ARMC9: variants seen among roughly 807,000 people sequenced by gnomAD.
The protein encoded by ARMC9 is armadillo repeat containing 9.
A neutral mutation model predicts 107.0 loss-of-function variants in ARMC9; 94 were observed. The ratio of observed to expected loss-of-function variants is 0.88; its 90% CI spans 0.74 to 1.04. ARMC9 has a LOEUF of 1.04. ARMC9 is among the 50% of genes least tolerant of loss of function. The pLI is 0.00. For synonymous variants in ARMC9, 380 were observed against 396.9 expected, an observed-to-expected ratio of 0.96 and a Z score of 0.51; for missense variants, 942 against 1,030.1, an observed-to-expected ratio of 0.91 and a Z score of 1.17.
At chr2:231,233,708 G>T (rs184622187) in intron 7 of ARMC9, among the ~76,000 whole-genome samples, 42 of 152,076 alleles carry the variant, frequency 2.8e-4, no homozygotes, top group African/African-American at 9.9e-4. Flanking sequence ...CCCGGGAGGC[G>T]GAGGTTGCAG....
Position 231,296,198 on chromosome 2 carries a change from A to G in ARMC9, c.1718A>G (p.Glu573Gly). ...IEFIIKQLNS[E>G]ELPDGVLESD... is the part of the protein sequence containing the mutation. ...TCATTGATTCTTTTTTTCTTTATAG[A>G]AGAGCTACCAGATGGTGTTCTTGAA... Residue 573 changes from glutamate (E) to glycine (G), a missense_variant and splice_region_variant, in exon 19 of 25, where the codon GAA (glutamate) becomes GGA (glycine). By Grantham distance (98) the Glu-to-Gly change is moderately conservative. Transcript: ENST00000611582. 6.2e-7 allele frequency: 1 copy of G among 1,611,806 alleles called. No individual in the cohort carries two copies. The highest frequency in any genetic ancestry group is 1.1e-5 in the South Asian group (1 of 90,654).
At chr2:231,259,494 T>G (rs1219939792) in intron 11 of ARMC9, among the ~76,000 whole-genome samples, 2 of 152,182 alleles carry the variant, frequency 1.3e-5, no homozygotes, top group African/African-American at 2.4e-5. Flanking sequence ...AAAGAACTCC[T>G]GTTCACAGGG....
intron 22 of ARMC9, 103 bp downstream of exon 22, chr2:231,356,037 GC>G (rs1443005885): frequency 1.4e-6 from 2 of 1,410,480 alleles, no homozygotes; most frequent in Middle Eastern, 1.9e-4. Flanking sequence ...CTCCTGGGAA[GC>G]CCTCTGGTCT....
intron 7 of ARMC9, among the ~76,000 whole-genome samples, chr2:231,228,703 C>T (rs1027556646): frequency 1.3e-5 from 2 of 152,164 alleles, no homozygotes; most frequent in Non-Finnish European, 2.9e-5. Flanking sequence ...TCAAAGACTA[C>T]AGGCATTTTA....
intron 21 of ARMC9, among the ~76,000 whole-genome samples, chr2:231,351,655 T>C (rs1231835354): frequency 1.3e-5 from 2 of 152,130 alleles, no homozygotes; most frequent in Middle Eastern, 3.2e-3. Flanking sequence ...GTTTGATTTT[T>C]GTTTGTTTTC....
intron 22 of ARMC9, among the ~76,000 whole-genome samples, chr2:231,357,445 C>T (rs1354719662): frequency 6.6e-6 from 1 of 152,234 alleles, no homozygotes; most frequent in South Asian, 2.1e-4. Flanking sequence ...GGACCCAGGA[C>T]ACGGACCCAC....
chr2:231,244,968 G>A (rs1307976612), intron 9 of ARMC9, among the ~76,000 whole-genome samples: 1 of 152,206 alleles, frequency 6.6e-6, no homozygotes, highest in African/African-American at 2.4e-5. Flanking sequence ...GCTCACGGTA[G>A]AAACACCACA....
chr2:231,216,748 T>A lies in ARMC9; in HGVS notation c.459T>A (p.Phe153Leu). The change falls in exon 5 of 25, where the codon TTT becomes TTA. Residue 153 changes from phenylalanine to leucine, a missense_variant. Coordinates refer to ENST00000611582, the MANE Select transcript of ARMC9 (RefSeq NM_001352754.2). ...TEFLPFYALPFVPNPMVHPSF... is the reference protein window; with the variant it reads ...TEFLPFYALPLVPNPMVHPSF... ...TTCTTCCTTTCTATGCCCTTCCTTT[T>A]GTTCCCAACCCTATGGTGCACCCCT... 1 of 1,614,172 alleles carries A rather than the reference T, an allele frequency of 6.2e-7. No homozygotes were observed. Among genetic ancestry groups the A allele is most frequent in the South Asian group, 1.1e-5 (1 of 91,088 alleles).
rs1028360166 is a variant in ARMC9, at chr2:231,348,664, A to G, written c.1994+3574A>G. On this transcript the variant is annotated intron_variant, in intron 21 of 24. Transcript: ENST00000611582. The stretch of plus-strand genomic sequence containing the variant: ...AGAGACAGCCCACAGAATGGGAGAA[A>G]ATATTTGCAAACTACCCATCTGACA... Among the ~76,000 whole-genome samples the G allele has an allele frequency of 3.3e-5, 5 of 152,364 alleles. No homozygotes were observed. The South Asian group carries it at 1.0e-3, about 32-fold the overall frequency.
intron 9 of ARMC9, among the ~76,000 whole-genome samples, chr2:231,244,444 C>G (rs752902692): frequency 7.3e-5 from 11 of 150,604 alleles, no homozygotes; most frequent in Non-Finnish European, 1.2e-4. Context: ...AGGGCCTCTG[C>G]TGCCTTGACC....
chr2:231,246,367 G>A (rs2036764688), intron 9 of ARMC9, among the ~76,000 whole-genome samples: 1 of 151,838 alleles, frequency 6.6e-6, no homozygotes, highest in South Asian at 2.1e-4. Flanking sequence ...ACCCTCCCCC[G>A]CCAATAGTTC....
rs527946682 is a variant in ARMC9, at chr2:231,342,158, G to A, written c.1879-2817G>A. On this transcript the variant is annotated intron_variant, in intron 20 of 24. Coordinates refer to ENST00000611582, the MANE Select transcript of ARMC9 (RefSeq NM_001352754.2). ...GCAAGGGGAGGGGAAGCCCAGGCCA[G>A]CAAGAACAGGCTGGGAAGCAGCTGC... Among the ~76,000 whole-genome samples, 18 of 152,362 alleles carry A rather than the reference G, an allele frequency of 1.2e-4. No individual in the cohort carries two copies. The East Asian group carries it at 3.5e-3, about 29-fold the overall frequency.
intron 19 of ARMC9, among the ~76,000 whole-genome samples, chr2:231,299,950 C>A (rs1330071697): frequency 6.6e-6 from 1 of 152,186 alleles, no homozygotes; most frequent in Non-Finnish European, 1.5e-5. Flanking sequence ...TCATTTAGCA[C>A]TTCAGAGAAA....
intron 19 of ARMC9, among the ~76,000 whole-genome samples, chr2:231,298,341 C>T (rs558087493): frequency 1.3e-5 from 2 of 152,348 alleles, no homozygotes; most frequent in South Asian, 2.1e-4. Context: ...GGATTTTACT[C>T]AGCTTTCACC....
At chr2:231,279,965 A>G (rs962898804) in intron 16 of ARMC9, among the ~76,000 whole-genome samples, 3 of 152,162 alleles carry the variant, frequency 2.0e-5, no homozygotes, top group African/African-American at 7.2e-5. Flanking sequence ...TGAGCTCTGA[A>G]CTACTTCCAG....
chr2:231,270,980 A>G lies in ARMC9; in HGVS notation c.1120-2A>G, dbSNP rs1435430920. 1 of 1,614,042 alleles carries G rather than the reference A, an allele frequency of 6.2e-7. No individual in the cohort carries two copies. Among genetic ancestry groups the G allele is most frequent in the Non-Finnish European group, 8.5e-7 (1 of 1,179,940 alleles). Reference sequence around the variant, plus strand: ...GTTTTTCCTCTTGACGTTTTCCCCCAGAGGAGTGTGCTTCAGTTGCTGCAC... The same window carrying G: ...GTTTTTCCTCTTGACGTTTTCCCCCGGAGGAGTGTGCTTCAGTTGCTGCAC... On this transcript the variant is annotated splice_acceptor_variant, in intron 12 of 24. Transcript: ENST00000611582. LOFTEE classifies it high-confidence loss of function.
intron 19 of ARMC9, among the ~76,000 whole-genome samples, chr2:231,324,489 C>T (rs2043200153): frequency 1.3e-5 from 2 of 150,172 alleles, no homozygotes; most frequent in Non-Finnish European, 3.0e-5. Context: ...CAGTGGCTCA[C>T]GCCTGTAATC....
At position 231,371,714 on chromosome 2, in the gene ARMC9, G is replaced by A; in HGVS notation, c.*179G>A. 3.5e-6 allele frequency: 2 copies of A among 576,276 alleles called. No homozygotes were observed. Among genetic ancestry groups the A allele is most frequent in the Non-Finnish European group, 5.1e-6 (2 of 389,572 alleles). The allele number at this position is 576,276 out of a possible 1,614,324, so 35.7% of individuals were successfully genotyped here. On this transcript the variant is annotated 3_prime_UTR_variant, in exon 25 of 25. Coordinates refer to ENST00000611582, the MANE Select transcript of ARMC9 (RefSeq NM_001352754.2). ...AAGGCCATCGCAGCCCCGCCAGCCGGGTCACTTTCTCCCAGGGCAGAGCCA... is the reference window on the plus strand; with the variant it reads ...AAGGCCATCGCAGCCCCGCCAGCCGAGTCACTTTCTCCCAGGGCAGAGCCA...
intron 9 of ARMC9, among the ~76,000 whole-genome samples, chr2:231,242,225 A>T (rs962019334): frequency 1.3e-5 from 2 of 151,892 alleles, no homozygotes; most frequent in African/African-American, 4.8e-5. Flanking sequence ...GACCCGGGAT[A>T]ATCTCTTGGG....
Sources: gnomAD v4.1 joint callset for allele counts (sites outside exome capture counted in the v4.1 genomes callset) on GRCh38, gnomAD v4.1.1 for gene constraint, MANE v1.5 for transcripts, NCBI Gene and HGNC (gene_info 2026-07-23, HGNC 2026-07-21) for gene names.